Variants in MAN2A2 observed in about 807,000 individuals in gnomAD.
MAN2A2 encodes the protein alpha-mannosidase 2x.
MAN2A2 carries 79 observed loss-of-function variants against 126.8 expected under a neutral mutation model. The observed-to-expected ratio is 0.62, with a 90% CI of 0.52 to 0.75. MAN2A2 has a LOEUF of 0.75. Among genes scored for constraint, MAN2A2 ranks in the 30% least tolerant of loss-of-function variants. The probability of loss-of-function intolerance (pLI) is 0.00; values close to 1 mark genes in which losing one functional copy is unlikely to be tolerated. For missense variants in MAN2A2, 1,392 were observed against 1,522.4 expected, an observed-to-expected ratio of 0.91 and a Z score of 1.43; for synonymous variants, 671 against 618.7, an observed-to-expected ratio of 1.08 and a Z score of -1.25.
At chr15:90,906,076 G>T (rs2034259430) in intron 5 of MAN2A2, 60 bp downstream of exon 5, 2 of 1,603,874 alleles carry the variant, frequency 1.2e-6, no homozygotes, top group South Asian at 2.2e-5. Context: ...TGGGTGGACG[G>T]GTCTTACCTT....
chr15:90,913,791 G>A (rs1391917544), intron 19 of MAN2A2, 36 bp downstream of exon 19: 1 of 1,551,608 alleles, frequency 6.4e-7, no homozygotes, highest in Non-Finnish European at 8.7e-7. Flanking sequence ...GAGGGTATCA[G>A]ACAAAAAGAA....
At chr15:90,902,415 C>G (rs1193074065), upstream of MAN2A2, 1 of 152,274 alleles carries the variant, frequency 6.6e-6, no homozygotes, top group African/African-American at 2.4e-5. Flanking sequence ...CGACAGAGAC[C>G]TAAGGCTACC....
Position 90,909,366 on chromosome 15 carries a change from G to A in MAN2A2, c.1236G>A (p.Gln412=). ...LLLDQYRKKS[Q]LFRSNVLLVP... is the part of the protein sequence containing the mutation. ...TGGACCAATACCGGAAGAAGTCCCA[G>A]CTGTTCCGAAGCAACGTCCTCCTGG... The change falls in exon 9 of 23, where the codon CAG becomes CAA. Residue 412 remains glutamine (Q), a synonymous_variant. Coordinates refer to ENST00000559717, the MANE Select transcript of MAN2A2 (RefSeq NM_006122.4). 1 of 1,613,946 alleles carries A rather than the reference G, an allele frequency of 6.2e-7. No individual in the cohort carries two copies. The highest frequency in any genetic ancestry group is 2.2e-5 in the East Asian group (1 of 44,884).
At chr15:90,904,616 G>C (rs1390714908) in intron 2 of MAN2A2, among the ~76,000 whole-genome samples, 1 of 150,016 alleles carries the variant, frequency 6.7e-6, no homozygotes, top group Non-Finnish European at 1.5e-5. Context: ...TTGAGACAGA[G>C]TCTCGCTCTG....
Position 90,919,875 on chromosome 15 carries a change from C to A in MAN2A2, c.*88C>A. 6.9e-7 allele frequency: 1 copy of A among 1,452,712 alleles called. No homozygotes were observed. The highest frequency in any genetic ancestry group is 9.5e-7 in the Non-Finnish European group (1 of 1,051,930). The allele number at this position is 1,452,712 out of a possible 1,614,324, so 90.0% of individuals were successfully genotyped here. On this transcript the variant is annotated 3_prime_UTR_variant, in exon 23 of 23. Coordinates refer to ENST00000559717, the MANE Select transcript of MAN2A2 (RefSeq NM_006122.4). Reference sequence around the variant, plus strand: ...TGGACAAGCCACACGGGTATCCCATCCCGATCTGCCTCCCAGAACTGTGAC... The same window carrying A: ...TGGACAAGCCACACGGGTATCCCATACCGATCTGCCTCCCAGAACTGTGAC...
intron 2 of MAN2A2, among the ~76,000 whole-genome samples, chr15:90,904,569 C>A (rs1186630919): frequency 6.6e-6 from 1 of 150,700 alleles, no homozygotes; most frequent in Non-Finnish European, 1.5e-5. Context: ...TATTGTCACT[C>A]TGTTCTCCTG....
intron 1 of MAN2A2, chr15:90,903,908 G>A: frequency 2.2e-6 from 1 of 446,400 alleles, no homozygotes; most frequent in Non-Finnish European, 4.2e-6. Flanking sequence ...GGGAAGCTGT[G>A]TAATCAGGAG....
rs562778900 is a variant in MAN2A2, at chr15:90,915,249, T to C, written c.2861-874T>C. On this transcript the variant is annotated intron_variant, in intron 19 of 22. Coordinates refer to ENST00000559717, the MANE Select transcript of MAN2A2 (RefSeq NM_006122.4). ...CCGTTTTAGGGTTTTCAGACATCTTTCTGTGGTTGTTCTGGGTTAAAAGAC... is the reference window on the plus strand; with the variant it reads ...CCGTTTTAGGGTTTTCAGACATCTTCCTGTGGTTGTTCTGGGTTAAAAGAC... Among the ~76,000 whole-genome samples, 22 of 152,354 alleles carry C rather than the reference T, an allele frequency of 1.4e-4. No individual in the cohort carries two copies. In the South Asian group the frequency reaches 3.9e-3, roughly 27 times the overall value.
At chr15:90,903,008 C>G (rs570113783), upstream of MAN2A2, 1 of 151,982 alleles carries the variant, frequency 6.6e-6, no homozygotes, top group South Asian at 2.1e-4. Context: ...GGGAGGGCTC[C>G]GGCTGCCCCG....
chr15:90,909,262 C>G (rs1596150403), intron 8 of MAN2A2, 65 bp from the exon 9 acceptor site: 1 of 1,505,370 alleles, frequency 6.6e-7, no homozygotes, highest in East Asian at 2.3e-5. Flanking sequence ...GGCGGGATGG[C>G]TGTGCGTGGT....
chr15:90,907,325 A>T lies in MAN2A2; in HGVS notation c.1026A>T (p.Thr342=), dbSNP rs763079263. ...WRQTWDSDSS[T]DIFCHMMPFY... is the part of the protein sequence containing the mutation. ...CTCCTGCAGACTCGGACTCCAGCAC[A>T]GACATCTTCTGTCACATGATGCCCT... The change falls in exon 8 of 23, where the codon ACA becomes ACT. Residue 342 remains threonine, a synonymous_variant. Transcript: ENST00000559717. The T allele has an allele frequency of 1.9e-6, 3 of 1,613,910 alleles. No homozygotes were observed.
intron 19 of MAN2A2, among the ~76,000 whole-genome samples, chr15:90,914,931 A>C (rs949220426): frequency 2.6e-5 from 4 of 152,196 alleles, no homozygotes; most frequent in Non-Finnish European, 5.9e-5. Context: ...TCAGGGCAAA[A>C]CGAACAGTTT....
In MAN2A2 at chr15:90,904,199, G is replaced by A. The variant is rs755892981; in HGVS notation, c.-9G>A. ...GTGTCCTTCCTGCCAGGTGTGTGTG[G>A]AGGCCAGTATGAAGCTGAAAAAGCA... On this transcript the variant is annotated 5_prime_UTR_variant, in exon 2 of 23. Coordinates refer to ENST00000559717, the MANE Select transcript of MAN2A2 (RefSeq NM_006122.4). 1.9e-6 allele frequency: 3 copies of A among 1,614,184 alleles called. No individual in the cohort carries two copies. The highest frequency in any genetic ancestry group is 2.5e-6 in the Non-Finnish European group (3 of 1,180,024).
At chr15:90,915,741 C>T (rs2035119892) in intron 19 of MAN2A2, among the ~76,000 whole-genome samples, 1 of 152,228 alleles carries the variant, frequency 6.6e-6, no homozygotes, top group Admixed American at 6.5e-5. Context: ...AGGTGTGCAG[C>T]AACACTACCG....
intron 14 of MAN2A2, 105 bp downstream of exon 14, chr15:90,911,655 C>A: frequency 7.7e-7 from 1 of 1,299,422 alleles, no homozygotes; most frequent in Non-Finnish European, 1.0e-6. Context: ...CCCTGCTACT[C>A]TCCAGGCTGA....
chr15:90,911,574 G>A (rs910777436), intron 14 of MAN2A2, 24 bp downstream of exon 14: 2 of 1,591,542 alleles, frequency 1.3e-6, no homozygotes, highest in Non-Finnish European at 1.7e-6. Flanking sequence ...TTGTCAGGTG[G>A]GCCTGGCCCT....
chr15:90,903,630 C>T (rs1241268054), intron 1 of MAN2A2, 198 bp downstream of exon 1: 1 of 200,722 alleles, frequency 5.0e-6, no homozygotes, highest in Non-Finnish European at 1.0e-5. Context: ...ACAGGGAGAA[C>T]ACACAGGGCT....
intron 14 of MAN2A2, 162 bp downstream of exon 14, chr15:90,911,712 G>C (rs1356337856): frequency 2.6e-6 from 2 of 769,528 alleles, no homozygotes; most frequent in Non-Finnish European, 4.1e-6. Context: ...AGGCACTCTT[G>C]GGATTTGAGC....
rs958275365 is a variant in MAN2A2 at position 90,910,018 on chromosome 15, A to G, written c.1375-72A>G. 70 of 1,382,760 alleles carry G rather than the reference A, an allele frequency of 5.1e-5. 1 individual carries two copies. The highest frequency in any genetic ancestry group is 1.1e-4 in the Admixed American group (5 of 46,774). The allele number at this position is 1,382,760 out of a possible 1,614,324, so 85.7% of individuals were successfully genotyped here. A position where few individuals can be genotyped will look rare whatever the true frequency, so the allele number is the denominator to read the frequency against. ...GGCCAGAGCCCCTGCCTCACCCCCA[A>G]CTGCAGCACTGTGGCCACAATTTGC... On this transcript the variant is annotated intron_variant, in intron 9 of 22. Transcript: ENST00000559717.
Sources: allele counts gnomAD v4.1 joint callset (sites outside exome capture counted in the v4.1 genomes callset), GRCh38; gene constraint gnomAD v4.1.1; transcripts MANE v1.5; gene names NCBI Gene and HGNC (gene_info 2026-07-23, HGNC 2026-07-21).